ENOX1: variants seen among roughly 807,000 people sequenced by gnomAD.
ENOX1 encodes the protein candidate growth-related and time keeping constitutive hydroquinone (NADH) oxidase.
A neutral mutation model predicts 82.5 loss-of-function variants in ENOX1; 42 were observed. That is an observed-to-expected ratio of 0.51 (90% CI 0.40 to 0.66). The LOEUF (loss-of-function observed/expected upper bound fraction) is 0.66. Among genes scored for constraint, ENOX1 ranks in the 30% least tolerant of loss-of-function variants. ENOX1 has a pLI of 0.00. For synonymous variants in ENOX1, 271 were observed against 282.2 expected (o/e 0.96, Z 0.40); for missense variants, 608 against 811.6 (o/e 0.75, Z 3.05).
At chr13:43,718,132 A>G (rs1181481357) in intron 1 of ENOX1, among the ~76,000 whole-genome samples, 2 of 152,242 alleles carry the variant, frequency 1.3e-5, no homozygotes, top group East Asian at 1.9e-4. Context: ...GACTCAATTT[A>G]GTTGCCCTTC....
At chr13:43,729,257 A>T (rs1355335510) in intron 1 of ENOX1, among the ~76,000 whole-genome samples, 1 of 152,244 alleles carries the variant, frequency 6.6e-6, no homozygotes, top group Non-Finnish European at 1.5e-5. Flanking sequence ...ATAAGTATCT[A>T]TTTAACTCAG....
Position 43,216,089 on chromosome 13 carries a change from A to G in ENOX1, c.1801-1968T>C, listed in dbSNP as rs569212829. Among the ~76,000 whole-genome samples, 4 of 152,224 alleles carry G rather than the reference A, an allele frequency of 2.6e-5. No individual in the cohort carries two copies. The South Asian group carries it at 8.3e-4, about 32-fold the overall frequency. ...CGCGTGCCTGTAATCCCAGCTACTCAGGAGGCCAAGAGGCAGAAGAATCGC... is the reference window on the plus strand; with the variant it reads ...CGCGTGCCTGTAATCCCAGCTACTCGGGAGGCCAAGAGGCAGAAGAATCGC... On this transcript the variant is annotated intron_variant, in intron 16 of 16. Coordinates refer to ENST00000690772, the MANE Select transcript of ENOX1 (RefSeq NM_001347969.2).
At chr13:43,420,130 G>C (rs2054887621) in intron 3 of ENOX1, among the ~76,000 whole-genome samples, 1 of 152,102 alleles carries the variant, frequency 6.6e-6, no homozygotes, top group South Asian at 2.1e-4. Context: ...CCATCACTAA[G>C]GAAATACCTA....
intron 7 of ENOX1, among the ~76,000 whole-genome samples, chr13:43,359,391 A>G (rs1311281281): frequency 6.6e-6 from 1 of 152,226 alleles, no homozygotes; most frequent in Admixed American, 6.5e-5. Context: ...ACCACCAACG[A>G]GGCAATGATA....
chr13:43,276,971 G>A (rs2045073859), intron 12 of ENOX1, among the ~76,000 whole-genome samples: 1 of 152,114 alleles, frequency 6.6e-6, no homozygotes, highest in South Asian at 2.1e-4. Flanking sequence ...AGGCATGAGG[G>A]TATCCAAGCC....
chr13:43,663,722 T>C (rs1167127391), intron 2 of ENOX1, among the ~76,000 whole-genome samples: 1 of 152,108 alleles, frequency 6.6e-6, no homozygotes, highest in Non-Finnish European at 1.5e-5. Context: ...AGTGGTCATA[T>C]GAACAAGCAA....
At chr13:43,557,507 G>C (rs895431318) in intron 2 of ENOX1, among the ~76,000 whole-genome samples, 2 of 152,248 alleles carry the variant, frequency 1.3e-5, no homozygotes, top group Non-Finnish European at 1.5e-5. Context: ...TGAGAAGCAG[G>C]GTGGCTCTGA....
intron 1 of ENOX1, among the ~76,000 whole-genome samples, chr13:43,675,178 G>A (rs1034449008): frequency 5.3e-5 from 8 of 152,156 alleles, no homozygotes; most frequent in East Asian, 1.9e-4. Flanking sequence ...AATCAACAGA[G>A]GCTGATGATG....
chr13:43,546,933 G>A (rs2078997786), intron 2 of ENOX1: 1 of 152,222 alleles, frequency 6.6e-6, no homozygotes, highest in African/African-American at 2.4e-5. Flanking sequence ...GGAAGTGAGT[G>A]CCTTCTGCAA....
intron 2 of ENOX1, among the ~76,000 whole-genome samples, chr13:43,622,095 A>AT (rs1302221131): frequency 6.6e-6 from 1 of 150,906 alleles, no homozygotes; most frequent in East Asian, 1.9e-4. Flanking sequence ...TGAATCTTTG[A>AT]TTTTGTTTTC....
chr13:43,770,686 T>TACACACACAC (rs149111203), intron 1 of ENOX1, among the ~76,000 whole-genome samples: 36 of 146,238 alleles, frequency 2.5e-4, no homozygotes, highest in Non-Finnish European at 4.6e-4. Context: ...TACGTATGTG[T>TACACACACAC]ACACACACAC....
intron 12 of ENOX1, among the ~76,000 whole-genome samples, chr13:43,286,498 G>C (rs146311007): frequency 4.4e-4 from 67 of 152,290 alleles, no homozygotes; most frequent in African/African-American, 1.6e-3. Flanking sequence ...TCCCATTGCA[G>C]ACATCAGGGA....
At position 43,485,086 on chromosome 13, in the gene ENOX1, C is replaced by T. The variant is rs74063859; in HGVS notation, c.-218-934G>A. ...GGAACTGAGCCCACATCCTCTATGGCTATTACTGAGTGATATTACTGTATC... is the reference window on the plus strand; with the variant it reads ...GGAACTGAGCCCACATCCTCTATGGTTATTACTGAGTGATATTACTGTATC... On this transcript the variant is annotated intron_variant, in intron 2 of 16. Transcript: ENST00000690772. 7.0e-3 allele frequency among the ~76,000 whole-genome samples: 1,063 copies of T among 152,310 alleles called. 11 individuals are homozygous for T. Among genetic ancestry groups the T allele is most frequent in the African/African-American group, 0.022 (927 of 41,544 alleles).
At chr13:43,381,050 A>G (rs1207902638) in intron 5 of ENOX1, among the ~76,000 whole-genome samples, 1 of 151,868 alleles carries the variant, frequency 6.6e-6, no homozygotes, top group African/African-American at 2.4e-5. Context: ...ATATCAACCA[A>G]TTTGACCTAA....
intron 2 of ENOX1, among the ~76,000 whole-genome samples, chr13:43,620,182 T>C (rs1358649396): frequency 6.6e-6 from 1 of 152,084 alleles, no homozygotes; most frequent in Non-Finnish European, 1.5e-5. Flanking sequence ...CAACTTTATT[T>C]ATCTTTTCAA....
chr13:43,752,224 T>C (rs1950362175), intron 1 of ENOX1, among the ~76,000 whole-genome samples: 1 of 152,206 alleles, frequency 6.6e-6, no homozygotes, highest in African/African-American at 2.4e-5. Context: ...CATTTTTCAG[T>C]AGGTTGTTTT....
At chr13:43,628,675 T>C (rs1056282278) in intron 2 of ENOX1, among the ~76,000 whole-genome samples, 1 of 152,242 alleles carries the variant, frequency 6.6e-6, no homozygotes, top group Non-Finnish European at 1.5e-5. Flanking sequence ...AGATTTTCAA[T>C]TGAAAGCTGA....
intron 1 of ENOX1, among the ~76,000 whole-genome samples, chr13:43,729,470 T>A (rs1304824618): frequency 1.3e-5 from 2 of 152,160 alleles, no homozygotes; most frequent in Non-Finnish European, 2.9e-5. Flanking sequence ...TTTGGAAACA[T>A]CTTAACAGTA....
intron 9 of ENOX1, among the ~76,000 whole-genome samples, chr13:43,337,831 G>A (rs2048803351): frequency 6.6e-6 from 1 of 152,102 alleles, no homozygotes; most frequent in Non-Finnish European, 1.5e-5. Context: ...ACTACTAAAT[G>A]ACCAAAGCCT....
Sources: allele counts gnomAD v4.1 joint callset (sites outside exome capture counted in the v4.1 genomes callset), GRCh38; gene constraint gnomAD v4.1.1; transcripts MANE v1.5; gene names NCBI Gene and HGNC (gene_info 2026-07-23, HGNC 2026-07-21).